The following MACROD2 variants were observed in gnomAD, a reference collection of about 807,000 sequenced individuals.
MACROD2 encodes mono-ADP ribosylhydrolase 2.
A neutral mutation model predicts 70.4 loss-of-function variants in MACROD2; 36 were observed. The ratio of observed to expected loss-of-function variants is 0.51; its 90% CI spans 0.39 to 0.68. The LOEUF (loss-of-function observed/expected upper bound fraction) is 0.68. Ranked by LOEUF, MACROD2 falls within the 30% of genes least tolerant of loss-of-function variation. The pLI, the probability that MACROD2 is intolerant of heterozygous loss-of-function variation, is 0.00. For synonymous variants in MACROD2, 172 were observed against 178.8 expected, an observed-to-expected ratio of 0.96 and a Z score of 0.30; for missense variants, 496 against 538.4, an observed-to-expected ratio of 0.92 and a Z score of 0.78.
chr20:14,003,420 G>T (rs2052763988), intron 2 of MACROD2: 1 of 167,796 alleles, frequency 6.0e-6, no homozygotes, highest in Non-Finnish European at 1.3e-5. Context: ...TGTGACCTTG[G>T]GCAAGCGGGG....
intron 8 of MACROD2, among the ~76,000 whole-genome samples, chr20:15,530,047 A>G (rs973164239): frequency 6.6e-6 from 1 of 152,210 alleles, no homozygotes; most frequent in African/African-American, 2.4e-5. Flanking sequence ...TTTGAAACAG[A>G]AAAAATTAAG....
rs1384229366 is a variant in MACROD2, at chr20:15,246,983, G to A, written c.540+16922G>A. The stretch of plus-strand genomic sequence containing the variant: ...GGCCTGATTCCATTTATCTGCATAG[G>A]AAATCCGTAGATACAGAGAGTAGAT... On this transcript the variant is annotated intron_variant, in intron 6 of 17. Coordinates refer to ENST00000684519, the MANE Select transcript of MACROD2 (RefSeq NM_001351661.2). 5.3e-5 allele frequency among the ~76,000 whole-genome samples: 8 copies of A among 152,278 alleles called. No individual in the cohort carries two copies. The South Asian group carries it at 1.7e-3, about 32-fold the overall frequency.
At chr20:13,997,221 C>A (rs1277421880) in intron 1 of MACROD2, among the ~76,000 whole-genome samples, 1 of 152,076 alleles carries the variant, frequency 6.6e-6, no homozygotes, top group African/African-American at 2.4e-5. Context: ...GCTAACACTT[C>A]TGGTGTTATA....
intron 8 of MACROD2, among the ~76,000 whole-genome samples, chr20:15,822,626 ATTATTGAAATAACTTTAAT>A (rs540704278): frequency 1.6e-3 from 250 of 152,356 alleles, no homozygotes; most frequent in African/African-American, 5.7e-3. Context: ...GAATGATAAC[ATTATTGAAATAACTTTAAT>A]TTCACTAAAT....
chr20:14,414,929 G>GTT (rs11479088), intron 3 of MACROD2, among the ~76,000 whole-genome samples: 17,288 of 144,902 alleles, frequency 0.12, 1,129 homozygotes, highest in East Asian at 0.22. Flanking sequence ...CCTGCTTTAT[G>GTT]TTTTTTTTTT....
At chr20:15,712,784 A>G (rs2050647207) in intron 8 of MACROD2, among the ~76,000 whole-genome samples, 1 of 152,162 alleles carries the variant, frequency 6.6e-6, no homozygotes, top group Non-Finnish European at 1.5e-5. Flanking sequence ...GCCCTTTGAC[A>G]ATGAAGAAAG....
At chr20:14,190,684 ATATATATATATATATTTTTTTTTTT>A (rs1246375450) in intron 3 of MACROD2, among the ~76,000 whole-genome samples, 3 of 38,374 alleles carry the variant, frequency 7.8e-5, no homozygotes, top group African/African-American at 3.7e-4. Flanking sequence ...ATATATATAT[ATATATATATATATATTTTTTTTTTT>A]TTTTTTTTTT....
intron 5 of MACROD2, among the ~76,000 whole-genome samples, chr20:14,769,723 C>T (rs1387325838): frequency 6.6e-6 from 1 of 152,058 alleles, no homozygotes; most frequent in Non-Finnish European, 1.5e-5. Flanking sequence ...TTCTTGAAGT[C>T]AATTGAAACC....
At chr20:15,842,712 G>GATAGATAGATA (rs77294203) in intron 8 of MACROD2, among the ~76,000 whole-genome samples, 7 of 141,584 alleles carry the variant, frequency 4.9e-5, no homozygotes, top group Non-Finnish European at 6.1e-5. Flanking sequence ...GTGGGTGGAT[G>GATAGATAGATA]GATAGATAGA....
intron 5 of MACROD2, among the ~76,000 whole-genome samples, chr20:15,095,265 T>C (rs893597967): frequency 6.6e-6 from 1 of 151,208 alleles, no homozygotes; most frequent in African/African-American, 2.4e-5. Context: ...TTAGTAGAGA[T>C]GGGGTTTCAC....
At chr20:14,372,970 A>G (rs1296620689) in intron 3 of MACROD2, among the ~76,000 whole-genome samples, 1 of 152,106 alleles carries the variant, frequency 6.6e-6, no homozygotes, top group Non-Finnish European at 1.5e-5. Flanking sequence ...GTCAAAATTC[A>G]TTTATAGTGA....
chr20:15,396,020 A>T (rs1307090240), intron 6 of MACROD2, among the ~76,000 whole-genome samples: 1 of 152,220 alleles, frequency 6.6e-6, no homozygotes, highest in African/African-American at 2.4e-5. Context: ...TCAAGGAGGG[A>T]ATCACTGGCA....
intron 5 of MACROD2, among the ~76,000 whole-genome samples, chr20:15,005,568 A>G (rs2075029091): frequency 6.6e-6 from 1 of 152,208 alleles, no homozygotes; most frequent in African/African-American, 2.4e-5. Flanking sequence ...CACATAGCCT[A>G]TAGTTTGCTT....
At chr20:15,926,150 A>T (rs2147301950) in intron 10 of MACROD2, among the ~76,000 whole-genome samples, 1 of 152,280 alleles carries the variant, frequency 6.6e-6, no homozygotes, top group East Asian at 1.9e-4. Flanking sequence ...TAAGGAGACG[A>T]TGGCAATGGG....
chr20:15,720,781 T>G (rs1336720933), intron 8 of MACROD2, among the ~76,000 whole-genome samples: 1 of 152,188 alleles, frequency 6.6e-6, no homozygotes, highest in Non-Finnish European at 1.5e-5. Flanking sequence ...AATTAATGCC[T>G]GATGTAAAGG....
intron 3 of MACROD2, chr20:14,327,698 G>T (rs1336797669): frequency 1.4e-5 from 8 of 583,086 alleles, no homozygotes; most frequent in Admixed American, 1.1e-4. Flanking sequence ...GCATAATAGG[G>T]TTTATTGCTA....
intron 3 of MACROD2, among the ~76,000 whole-genome samples, chr20:14,272,368 C>T (rs1363736106): frequency 6.6e-6 from 1 of 151,924 alleles, no homozygotes; most frequent in Non-Finnish European, 1.5e-5. Context: ...GAATTTTCAA[C>T]CCAGAATTTC....
At position 15,630,526 on chromosome 20, in the gene MACROD2, A is replaced by G. The variant is rs560142720; in HGVS notation, c.645+130679A>G. 2.6e-5 allele frequency among the ~76,000 whole-genome samples: 4 copies of G among 152,274 alleles called. No homozygotes were observed. In the East Asian group the frequency reaches 5.8e-4, roughly 22 times the overall value. On this transcript the variant is annotated intron_variant, in intron 8 of 17. Coordinates refer to ENST00000684519, the MANE Select transcript of MACROD2 (RefSeq NM_001351661.2). ...CCTCAAGGGCAGAGATGTCTCTAAT[A>G]TGTCTTTGTATTCTGCCTCGTACTT...
At chr20:14,205,400 G>GT (rs2081514731) in intron 3 of MACROD2, among the ~76,000 whole-genome samples, 1 of 152,202 alleles carries the variant, frequency 6.6e-6, no homozygotes, top group Admixed American at 6.5e-5. Context: ...CGAAAGAGGA[G>GT]TTCTGAAAGC....
Sources: allele counts gnomAD v4.1 joint callset (sites outside exome capture counted in the v4.1 genomes callset), GRCh38; gene constraint gnomAD v4.1.1; transcripts MANE v1.5; gene names NCBI Gene and HGNC (gene_info 2026-07-23, HGNC 2026-07-21).